The following VPS54 variants were observed in gnomAD, a reference collection of about 807,000 sequenced individuals.
VPS54 encodes VPS54 subunit of GARP complex, also known as vacuolar protein sorting-associated protein 54.
In VPS54, 45 loss-of-function variants were observed where a neutral mutation model predicts 121.5. That is an observed-to-expected ratio of 0.37 (90% CI 0.29 to 0.47). The LOEUF is 0.47. Ranked by LOEUF, VPS54 falls within the 20% of genes least tolerant of loss-of-function variation. The pLI, the probability that VPS54 is intolerant of heterozygous loss-of-function variation, is 0.99. For synonymous variants in VPS54, 371 were observed against 385.8 expected (o/e 0.96, Z 0.45); for missense variants, 1,090 against 1,131.4 (o/e 0.96, Z 0.52).
chr2:63,971,963 A>G (rs550637131), intron 4 of VPS54, among the ~76,000 whole-genome samples: 1 of 152,216 alleles, frequency 6.6e-6, no homozygotes, highest in Non-Finnish European at 1.5e-5. Context: ...TCCAATCAAT[A>G]TTTGTTGAAC....
In VPS54 at chr2:63,981,999, A is replaced by C. The variant is rs184144704; in HGVS notation, c.137-112T>G. 9.0e-6 allele frequency: 10 copies of C among 1,117,170 alleles called. No individual in the cohort carries two copies. In the South Asian group the frequency reaches 1.2e-4, roughly 13 times the overall value. 69.2% of individuals were successfully genotyped at this position (1,117,170 alleles called of 1,614,324 possible). A position where few individuals can be genotyped will look rare whatever the true frequency, so the allele number is the denominator to read the frequency against. ...AGATTCCATCTTACGCAAACCAACT[A>C]ATCTTCCACAGTAAATGATTTAATA... On this transcript the variant is annotated intron_variant, in intron 2 of 22. Transcript: ENST00000272322.
intron 12 of VPS54, among the ~76,000 whole-genome samples, chr2:63,929,071 G>C (rs1674058080): frequency 6.6e-6 from 1 of 152,070 alleles, no homozygotes; most frequent in African/African-American, 2.4e-5. Context: ...ATAATAATGG[G>C]AGACGTTAAT....
At chr2:64,018,246 G>GA (rs945966417) in intron 1 of VPS54, among the ~76,000 whole-genome samples, 2 of 151,972 alleles carry the variant, frequency 1.3e-5, no homozygotes, top group East Asian at 1.9e-4. Context: ...CTGGTTAGAA[G>GA]AAAAAAATTT....
chr2:63,914,344 T>G (rs1673283332), intron 16 of VPS54, 57 bp from the exon 17 acceptor site: 2 of 1,194,980 alleles, frequency 1.7e-6, no homozygotes, highest in South Asian at 1.3e-5. Flanking sequence ...ATCAAAAGGA[T>G]TTGGCATATA....
At chr2:64,011,087 GTTAAAT>G (rs1345228157) in intron 1 of VPS54, among the ~76,000 whole-genome samples, 1 of 152,136 alleles carries the variant, frequency 6.6e-6, no homozygotes, top group Non-Finnish European at 1.5e-5. Context: ...AATTTGTAAT[GTTAAAT>G]TTAAATATTT....
chr2:63,934,327 C>G (rs555240410), intron 11 of VPS54, among the ~76,000 whole-genome samples: 1 of 152,128 alleles, frequency 6.6e-6, no homozygotes, highest in South Asian at 2.1e-4. Context: ...ACATAACTTG[C>G]CCATCAGAGA....
At chr2:63,963,266 T>TA (rs1353736411) in intron 6 of VPS54, among the ~76,000 whole-genome samples, 172 of 152,162 alleles carry the variant, frequency 1.1e-3, no homozygotes, top group Middle Eastern at 3.4e-3. Flanking sequence ...CTCATATATA[T>TA]TTTTTTAGTA....
intron 12 of VPS54, among the ~76,000 whole-genome samples, chr2:63,927,019 G>T (rs1435707255): frequency 6.6e-6 from 1 of 152,214 alleles, no homozygotes; most frequent in East Asian, 1.9e-4. Context: ...AAACTGGGCA[G>T]AGCACACCGC....
At chr2:63,924,125 G>T (rs910931896) in intron 12 of VPS54, among the ~76,000 whole-genome samples, 1 of 152,198 alleles carries the variant, frequency 6.6e-6, no homozygotes, top group Non-Finnish European at 1.5e-5. Context: ...GGAGGTAGGA[G>T]GGGAAGGATA....
At chr2:63,898,334 G>A (rs1672529572) in intron 21 of VPS54, among the ~76,000 whole-genome samples, 1 of 152,146 alleles carries the variant, frequency 6.6e-6, no homozygotes, top group African/African-American at 2.4e-5. Flanking sequence ...GGAATGGAAA[G>A]GATGGCTTGG....
intron 11 of VPS54, among the ~76,000 whole-genome samples, chr2:63,934,789 G>A (rs762693311): frequency 6.6e-6 from 1 of 152,164 alleles, no homozygotes; most frequent in Non-Finnish European, 1.5e-5. Flanking sequence ...CTAATGCCTA[G>A]AATAGTGCCT....
rs1177420734 is a variant in VPS54 at position 63,993,403 on chromosome 2, T to C, written c.-20-9384A>G. On this transcript the variant is annotated intron_variant, in intron 1 of 22. Coordinates refer to ENST00000272322, the MANE Select transcript of VPS54 (RefSeq NM_016516.3). ...AAAGAATTCAGACCATCCAGTTATC[T>C]AGAGTACAGCCGTTTCAGCCTTTTC... Among the ~76,000 whole-genome samples the C allele has an allele frequency of 2.6e-5, 4 of 152,222 alleles. No homozygotes were observed. The East Asian group carries it at 7.7e-4, about 29-fold the overall frequency.
intron 16 of VPS54, among the ~76,000 whole-genome samples, chr2:63,915,132 C>T (rs1673321374): frequency 1.3e-5 from 1 of 76,420 alleles, no homozygotes; most frequent in South Asian, 4.6e-4. Context: ...GCCTGGGCAA[C>T]AAGAGCAAAG....
chr2:63,943,592 A>C (rs544565667), intron 10 of VPS54, among the ~76,000 whole-genome samples: 32 of 152,362 alleles, frequency 2.1e-4, no homozygotes, highest in African/African-American at 7.7e-4. Flanking sequence ...ACAGTCGTAC[A>C]TATTGCTAGT....
chr2:63,972,289 A>T, intron 3 of VPS54, 45 bp from the exon 4 acceptor site: 4 of 1,403,210 alleles, frequency 2.9e-6, no homozygotes, highest in Non-Finnish European at 4.0e-6. Flanking sequence ...TGTAAACATG[A>T]GTATTCAAAG....
rs1429049544 is a variant in VPS54 at position 63,933,826 on chromosome 2, G to A, written c.1586C>T (p.Pro529Leu). The part of the protein sequence containing the change: ...SDAFGEGELT[P>L]IAVDTTSQRN... ...TTGAGAGGTAGTGTCAACTGCTATA[G>A]GTGTTAGCTCACCCTCACCGAATGC... Residue 529 changes from proline to leucine, a missense_variant, in exon 12 of 23, where the codon CCT (proline) becomes CTT (leucine). Pro to Leu is a moderately conservative substitution (Grantham distance 98). This residue lies in a region of VPS54 where 801 missense variants were observed against 757.0 expected (regional missense o/e 1.06). Transcript: ENST00000272322. 2 of 1,613,712 alleles carry A rather than the reference G, an allele frequency of 1.2e-6. No individual in the cohort carries two copies. Among genetic ancestry groups the A allele is most frequent in the African/African-American group, 2.7e-5 (2 of 74,882 alleles).
At chr2:63,970,675 C>T (rs1405766131) in intron 4 of VPS54, among the ~76,000 whole-genome samples, 1 of 152,122 alleles carries the variant, frequency 6.6e-6, no homozygotes, top group Admixed American at 6.6e-5. Flanking sequence ...TTCTGAAATC[C>T]TCACTAGCTT....
intron 11 of VPS54, 123 bp downstream of exon 11, chr2:63,942,342 G>A: frequency 1.5e-6 from 1 of 656,924 alleles, no homozygotes; most frequent in Non-Finnish European, 2.3e-6. Flanking sequence ...AGCCTCTTTA[G>A]AAAAATTACA....
chr2:64,012,606 T>C (rs1055701076), intron 1 of VPS54, among the ~76,000 whole-genome samples: 1 of 152,110 alleles, frequency 6.6e-6, no homozygotes, highest in African/African-American at 2.4e-5. Flanking sequence ...ACAGCTGTTT[T>C]TGATCTTACC....
Sources: allele counts gnomAD v4.1 joint callset (sites outside exome capture counted in the v4.1 genomes callset), GRCh38; gene constraint gnomAD v4.1.1; regional missense constraint gnomAD v4.1.1; transcripts MANE v1.5; gene names NCBI Gene and HGNC (gene_info 2026-07-23, HGNC 2026-07-21).